Variants in CPM observed in about 807,000 individuals in gnomAD.
CPM encodes carboxypeptidase M, also known as renal carboxypeptidase.
Under a neutral mutation model 46.4 loss-of-function variants are expected in CPM, and 35 were observed. The ratio of observed to expected loss-of-function variants is 0.75; its 90% confidence interval spans 0.58 to 1.00. The LOEUF (loss-of-function observed/expected upper bound fraction) is 1.00. CPM is among the 50% of genes least tolerant of loss of function. The pLI is 0.00. For missense variants in CPM, 422 were observed against 530.4 expected (o/e 0.80, Z 2.01); for synonymous variants, 195 against 195.3 (o/e 1.00, Z 0.01).
intron 5 of CPM, chr12:68,843,536 AGCAAAACAGT>A (rs773110612): frequency 1.8e-5 from 4 of 226,716 alleles, no homozygotes; most frequent in Non-Finnish European, 2.6e-5. Flanking sequence ...ATGAATCTTA[AGCAAAACAGT>A]GAAAATAACC....
chr12:68,890,622 C>T (rs1886616401), intron 2 of CPM, among the ~76,000 whole-genome samples: 1 of 152,276 alleles, frequency 6.6e-6, no homozygotes, highest in Admixed American at 6.5e-5. Flanking sequence ...AAGCCAACCC[C>T]ACTCTGGGGA....
intron 1 of CPM, among the ~76,000 whole-genome samples, chr12:68,947,173 G>T (rs898139916): frequency 1.4e-4 from 21 of 152,316 alleles, no homozygotes; most frequent in Admixed American, 2.6e-4. Flanking sequence ...GTTCAAAAAA[G>T]CTTCCAGAAG....
intron 2 of CPM, among the ~76,000 whole-genome samples, chr12:68,930,494 C>G (rs76675458): frequency 6.6e-6 from 1 of 152,184 alleles, no homozygotes; most frequent in Non-Finnish European, 1.5e-5. Context: ...AATTGTCACA[C>G]TAATGTGCAG....
At chr12:68,878,488 C>T (rs937795967) in intron 3 of CPM, among the ~76,000 whole-genome samples, 6 of 152,162 alleles carry the variant, frequency 3.9e-5, no homozygotes, top group Non-Finnish European at 7.4e-5. Context: ...TAAACTGGCT[C>T]ATCTGGTCTT....
At chr12:68,876,289 G>A (rs893630747) in intron 3 of CPM, among the ~76,000 whole-genome samples, 11 of 152,164 alleles carry the variant, frequency 7.2e-5, no homozygotes, top group Admixed American at 7.2e-4. Flanking sequence ...TTTAAATGCT[G>A]AGATAAACAG....
intron 1 of CPM, among the ~76,000 whole-genome samples, chr12:68,961,249 G>A (rs577353016): frequency 2.0e-5 from 3 of 152,194 alleles, no homozygotes; most frequent in Non-Finnish European, 2.9e-5. Context: ...GAGCTCAAGC[G>A]ATCCTCCTGC....
At chr12:68,944,939 C>A (rs1038294328) in intron 1 of CPM, among the ~76,000 whole-genome samples, 1 of 151,866 alleles carries the variant, frequency 6.6e-6, no homozygotes, top group African/African-American at 2.4e-5. Flanking sequence ...GGGTGGGGGC[C>A]ACAGGACCAG....
At chr12:68,955,332 T>C (rs140506817) in intron 1 of CPM, among the ~76,000 whole-genome samples, 26 of 152,344 alleles carry the variant, frequency 1.7e-4, no homozygotes, top group African/African-American at 6.3e-4. Flanking sequence ...GTACTCAGCA[T>C]GCTGCCTGGT....
chr12:68,884,555 T>C (rs945098286), intron 3 of CPM, among the ~76,000 whole-genome samples: 2 of 152,206 alleles, frequency 1.3e-5, no homozygotes, highest in Admixed American at 6.5e-5. Context: ...ACCCATACTA[T>C]TGCAAATCCA....
At chr12:68,871,512 G>T (rs1885693724) in intron 4 of CPM, among the ~76,000 whole-genome samples, 1 of 152,112 alleles carries the variant, frequency 6.6e-6, no homozygotes, top group Non-Finnish European at 1.5e-5. Flanking sequence ...CAGGAAGGAG[G>T]CCTAGAGGGG....
chr12:68,943,171 C>T (rs1888791404), intron 1 of CPM, among the ~76,000 whole-genome samples: 1 of 152,170 alleles, frequency 6.6e-6, no homozygotes, highest in Non-Finnish European at 1.5e-5. Context: ...GCTTAAACCC[C>T]AGCTCTGTCG....
chr12:68,903,960 C>T (rs1484886439), intron 2 of CPM, among the ~76,000 whole-genome samples: 1 of 151,834 alleles, frequency 6.6e-6, no homozygotes, highest in Non-Finnish European at 1.5e-5. Flanking sequence ...GAACGTGGCT[C>T]ACTGCAGCCT....
chr12:68,905,050 A>C (rs1449206933), intron 2 of CPM, among the ~76,000 whole-genome samples: 1 of 151,990 alleles, frequency 6.6e-6, no homozygotes, highest in African/African-American at 2.4e-5. Context: ...CTGGAATTAC[A>C]TGCATGCACC....
At chr12:68,914,652 G>A (rs942433338) in intron 2 of CPM, among the ~76,000 whole-genome samples, 1 of 152,206 alleles carries the variant, frequency 6.6e-6, no homozygotes, top group Non-Finnish European at 1.5e-5. Flanking sequence ...ATGTTTGTCA[G>A]TTTCTGTATT....
At chr12:68,892,085 A>G (rs1299897877) in intron 2 of CPM, among the ~76,000 whole-genome samples, 2 of 152,192 alleles carry the variant, frequency 1.3e-5, no homozygotes, top group African/African-American at 4.8e-5. Context: ...AGTCACCTGA[A>G]AGCTTAAGAA....
chr12:68,935,745 AG>A (rs1888664075), upstream of CPM, among the ~76,000 whole-genome samples: 1 of 151,762 alleles, frequency 6.6e-6, no homozygotes, highest in African/African-American at 2.4e-5. Flanking sequence ...AGGTCTGAGG[AG>A]GGGGACTGGA....
intron 7 of CPM, 40 bp downstream of exon 7, chr12:68,866,856 T>C (rs1288539741): frequency 2.5e-6 from 4 of 1,568,662 alleles, no homozygotes; most frequent in Admixed American, 3.5e-5. Flanking sequence ...AGATGCTCTA[T>C]TTTGTATTAA....
chr12:68,955,532 AT>A (rs1476881780), intron 1 of CPM, among the ~76,000 whole-genome samples: 1 of 151,948 alleles, frequency 6.6e-6, no homozygotes, highest in South Asian at 2.1e-4. Flanking sequence ...GCCCTGTTTA[AT>A]TTATACCTCT....
At chr12:68,927,678 T>C (rs1888327255) in intron 2 of CPM, among the ~76,000 whole-genome samples, 1 of 152,216 alleles carries the variant, frequency 6.6e-6, no homozygotes, top group Non-Finnish European at 1.5e-5. Flanking sequence ...GGTTTTCTTC[T>C]AGGGTTTTTA....
Sources: allele counts gnomAD v4.1 joint callset (sites outside exome capture counted in the v4.1 genomes callset), GRCh38; gene constraint gnomAD v4.1.1; transcripts MANE v1.5; gene names NCBI Gene and HGNC (gene_info 2026-07-23, HGNC 2026-07-21).